Variants in PPFIA2 observed in about 807,000 individuals in gnomAD.
PPFIA2 encodes liprin-alpha-2.
PPFIA2 carries 46 observed loss-of-function variants against 175.5 expected under a neutral mutation model. The ratio of observed to expected loss-of-function variants is 0.26; its 90% confidence interval spans 0.21 to 0.34. The LOEUF (loss-of-function observed/expected upper bound fraction) is 0.34, where lower values mean the gene tolerates loss of function less well. Among genes scored for constraint, PPFIA2 ranks in the 10% least tolerant of loss-of-function variants. PPFIA2 has a pLI of 1.00. For missense variants in PPFIA2, 1,179 were observed against 1,506.1 expected, an observed-to-expected ratio of 0.78 and a Z score of 3.60; for synonymous variants, 568 against 511.4, an observed-to-expected ratio of 1.11 and a Z score of -1.49.
At chr12:81,664,683 C>A (rs151134946) in intron 4 of PPFIA2, among the ~76,000 whole-genome samples, 1 of 152,082 alleles carries the variant, frequency 6.6e-6, no homozygotes, top group Admixed American at 6.5e-5. Context: ...CATCCCATTA[C>A]TGGGTACATA....
chr12:81,529,812 G>A (rs1415616325), intron 4 of PPFIA2, among the ~76,000 whole-genome samples: 1 of 151,834 alleles, frequency 6.6e-6, no homozygotes, highest in Non-Finnish European at 1.5e-5. Context: ...ACACACAGGG[G>A]CTACTGGAGG....
chr12:81,492,537 T>G (rs537041383), intron 4 of PPFIA2, among the ~76,000 whole-genome samples: 1 of 151,964 alleles, frequency 6.6e-6, no homozygotes, highest in African/African-American at 2.4e-5. Flanking sequence ...CAGAAAACAC[T>G]TAGGAGGAGT....
intron 26 of PPFIA2, among the ~76,000 whole-genome samples, chr12:81,281,924 T>C (rs2042170586): frequency 6.6e-6 from 1 of 152,086 alleles, no homozygotes; most frequent in South Asian, 2.1e-4. Context: ...ATAAATGTTT[T>C]GGAGAGACAG....
intron 3 of PPFIA2, among the ~76,000 whole-genome samples, chr12:81,681,361 A>C (rs1253970030): frequency 6.6e-6 from 1 of 151,958 alleles, no homozygotes; most frequent in Non-Finnish European, 1.5e-5. Flanking sequence ...GTTTTTCAAC[A>C]CTGGAAAGTT....
chr12:81,646,117 A>G (rs2066026643), intron 4 of PPFIA2, among the ~76,000 whole-genome samples: 1 of 152,178 alleles, frequency 6.6e-6, no homozygotes, highest in African/African-American at 2.4e-5. Flanking sequence ...GAAGAAAGGT[A>G]TAGAAGTCTT....
intron 4 of PPFIA2, among the ~76,000 whole-genome samples, chr12:81,556,686 T>A (rs1273888480): frequency 6.6e-6 from 1 of 151,754 alleles, no homozygotes; most frequent in Non-Finnish European, 1.5e-5. Context: ...TCCGTGGTTG[T>A]GGAGTATTAA....
chr12:81,451,502 G>C (rs2052575917), intron 5 of PPFIA2, among the ~76,000 whole-genome samples: 1 of 152,138 alleles, frequency 6.6e-6, no homozygotes, highest in African/African-American at 2.4e-5. Flanking sequence ...GCTAAGAAAT[G>C]TGGTCCTAGA....
chr12:81,450,558 G>T (rs1040430834), intron 5 of PPFIA2, among the ~76,000 whole-genome samples: 4 of 152,042 alleles, frequency 2.6e-5, no homozygotes, highest in Non-Finnish European at 5.9e-5. Flanking sequence ...CAGATGAGTA[G>T]GTTGCAAAAA....
chr12:81,703,151 T>C (rs2076694198), intron 3 of PPFIA2, among the ~76,000 whole-genome samples: 1 of 152,150 alleles, frequency 6.6e-6, no homozygotes, highest in African/African-American at 2.4e-5. Flanking sequence ...TTCATAACCT[T>C]ATTAAAGGCT....
chr12:81,314,918 G>GA (rs1201158023), intron 22 of PPFIA2, among the ~76,000 whole-genome samples: 1 of 149,656 alleles, frequency 6.7e-6, no homozygotes, highest in African/African-American at 2.4e-5. Context: ...GCTGATGGGG[G>GA]AAAAAAAAAG....
intron 4 of PPFIA2, among the ~76,000 whole-genome samples, chr12:81,549,426 C>G (rs552399497): frequency 1.3e-5 from 2 of 152,004 alleles, no homozygotes; most frequent in Non-Finnish European, 2.9e-5. Flanking sequence ...TTTGGTTTCT[C>G]TAAAAATATG....
intron 4 of PPFIA2, among the ~76,000 whole-genome samples, chr12:81,547,703 C>T (rs1257194478): frequency 1.3e-5 from 2 of 152,076 alleles, no homozygotes; most frequent in African/African-American, 4.8e-5. Context: ...GCAAGTCCAC[C>T]ATAATCTGTT....
At chr12:81,723,997 A>C (rs182800314) in intron 3 of PPFIA2, among the ~76,000 whole-genome samples, 2 of 151,088 alleles carry the variant, frequency 1.3e-5, no homozygotes, top group East Asian at 3.9e-4. Context: ...CACTCATTTC[A>C]AATAATCAAG....
At chr12:81,553,284 C>T (rs749083111) in intron 4 of PPFIA2, among the ~76,000 whole-genome samples, 44 of 151,974 alleles carry the variant, frequency 2.9e-4, no homozygotes, top group Non-Finnish European at 2.9e-4. Flanking sequence ...TAGAATGTAA[C>T]TAACTCAGGA....
At position 81,642,754 on chromosome 12, in the gene PPFIA2, ACATACATGTATATGTATGTATG is replaced by A. The variant is rs2065361214; in HGVS notation, c.303+34015_303+34036del. ...ATGTATATGTATGTATGTATTATAT[ACATACATGTATATGTATGTATG>A]TATTATATACATACATGTATATGTA... On this transcript the variant is annotated intron_variant, in intron 4 of 32. Transcript: ENST00000549396. Among the ~76,000 whole-genome samples, 2 of 103,540 alleles carry A rather than the reference ACATACATGTATATGTATGTATG, an allele frequency of 1.9e-5. 1 individual carries two copies. The highest frequency in any genetic ancestry group is 3.9e-5 in the Non-Finnish European group (2 of 51,160). The allele number at this position is 103,540 out of a possible 152,430, so 67.9% of individuals were successfully genotyped here.
chr12:81,294,007 G>A (rs1053444131), intron 24 of PPFIA2, among the ~76,000 whole-genome samples: 3 of 144,848 alleles, frequency 2.1e-5, no homozygotes, highest in Non-Finnish European at 4.5e-5. Context: ...TGGAACTGGA[G>A]ACCATTATCC....
At chr12:81,539,126 T>G (rs944633667) in intron 4 of PPFIA2, among the ~76,000 whole-genome samples, 3 of 152,054 alleles carry the variant, frequency 2.0e-5, no homozygotes, top group East Asian at 1.9e-4. Context: ...TGAATTGTTA[T>G]CAGTTAAGAT....
chr12:81,558,605 C>T (rs1263862355), intron 4 of PPFIA2, among the ~76,000 whole-genome samples: 1 of 152,110 alleles, frequency 6.6e-6, no homozygotes, highest in Non-Finnish European at 1.5e-5. Flanking sequence ...CAATGCACAT[C>T]AAAGAAGCCA....
At chr12:81,345,891 TGGCTA>T (rs756315423) in intron 18 of PPFIA2, among the ~76,000 whole-genome samples, 24 of 152,298 alleles carry the variant, frequency 1.6e-4, no homozygotes, top group Non-Finnish European at 2.9e-4. Context: ...CTCAGCACAT[TGGCTA>T]AAAGTTTGTA....
Sources: gnomAD v4.1 joint callset for allele counts (sites outside exome capture counted in the v4.1 genomes callset) on GRCh38, gnomAD v4.1.1 for gene constraint, MANE v1.5 for transcripts, NCBI Gene and HGNC (gene_info 2026-07-23, HGNC 2026-07-21) for gene names.